Variants in IGF2BP2 observed in about 807,000 individuals in gnomAD.
IGF2BP2 encodes insulin like growth factor 2 mRNA binding protein 2, also known as insulin-like growth factor 2 mRNA-binding protein 2.
Under a neutral mutation model 75.8 loss-of-function variants are expected in IGF2BP2, and 17 were observed. That is an observed-to-expected ratio of 0.22 (90% CI 0.15 to 0.34). The LOEUF (loss-of-function observed/expected upper bound fraction) is 0.34. Ranked by LOEUF, IGF2BP2 falls within the 10% of genes least tolerant of loss-of-function variation. IGF2BP2 has a pLI of 1.00. For synonymous variants in IGF2BP2, 288 were observed against 295.6 expected (o/e 0.97, Z 0.26); for missense variants, 516 against 772.4 (o/e 0.67, Z 3.93).
intron 14 of IGF2BP2, among the ~76,000 whole-genome samples, chr3:185,648,606 C>A (rs1160238917): frequency 6.6e-6 from 1 of 152,146 alleles, no homozygotes. Flanking sequence ...AGCAAGCCTG[C>A]ACTAGGCTCT....
intron 2 of IGF2BP2, among the ~76,000 whole-genome samples, chr3:185,707,366 G>A (rs1724195143): frequency 7.9e-6 from 1 of 126,012 alleles, no homozygotes; most frequent in Admixed American, 1.0e-4. Flanking sequence ...AGAGGGCACT[G>A]GCGCAATCTT....
chr3:185,677,044 G>GATATATATTTATATATATATATAT (rs1199843330), intron 7 of IGF2BP2, among the ~76,000 whole-genome samples: 4 of 23,868 alleles, frequency 1.7e-4, no homozygotes, highest in East Asian at 2.4e-3. Context: ...TATATATGGA[G>GATATATATTTATATATATATATAT]ATATATATAT....
intron 2 of IGF2BP2, among the ~76,000 whole-genome samples, chr3:185,714,436 G>A (rs1438162404): frequency 1.3e-5 from 2 of 152,154 alleles, no homozygotes; most frequent in Admixed American, 6.5e-5. Flanking sequence ...TATCTTGGAA[G>A]ATAAACTCCT....
Position 185,643,782 on chromosome 3 carries a change from T to TTC in IGF2BP2, c.*1748_*1749insGA, listed in dbSNP as rs1713039264. On this transcript the variant is annotated 3_prime_UTR_variant, in exon 16 of 16. Transcript: ENST00000382199. ...TTTCTGTTTTTTCTTTTTTTTTCTT[T>TTC]TTTTTTTTTTTTTTTTTGTCACAGA... The TTC allele has an allele frequency of 6.9e-6, 1 of 145,516 alleles. No homozygotes were observed. Among genetic ancestry groups the TTC allele is most frequent in the South Asian group, 2.2e-4 (1 of 4,528 alleles). The allele number at this position is 145,516 out of a possible 1,614,324, so 9.0% of individuals were successfully genotyped here.
chr3:185,796,388 C>T (rs1275374504), intron 2 of IGF2BP2, among the ~76,000 whole-genome samples: 1 of 151,570 alleles, frequency 6.6e-6, no homozygotes, highest in African/African-American at 2.4e-5. Flanking sequence ...CATGGTGAAA[C>T]CCTGTCTCCA....
chr3:185,796,220 G>C (rs4686694), intron 2 of IGF2BP2, among the ~76,000 whole-genome samples: 9,162 of 152,052 alleles, frequency 0.06, 337 homozygotes, highest in African/African-American at 0.11. Flanking sequence ...TTGCATATTA[G>C]AACTTAACCA....
chr3:185,710,907 G>A (rs939988759), intron 2 of IGF2BP2, among the ~76,000 whole-genome samples: 3 of 151,386 alleles, frequency 2.0e-5, no homozygotes, highest in Non-Finnish European at 2.9e-5. Flanking sequence ...AAACCACTTC[G>A]TAGGATACAG....
intron 13 of IGF2BP2, among the ~76,000 whole-genome samples, chr3:185,649,848 T>C (rs1373354802): frequency 1.3e-5 from 2 of 152,244 alleles, no homozygotes; most frequent in Non-Finnish European, 2.9e-5. Flanking sequence ...CAACTCTATG[T>C]CTTATTTCCA....
chr3:185,655,785 C>T (rs1180436299), intron 12 of IGF2BP2, among the ~76,000 whole-genome samples: 1 of 152,220 alleles, frequency 6.6e-6, no homozygotes, highest in Non-Finnish European at 1.5e-5. Flanking sequence ...GAAAAACACA[C>T]TAGACCAGAA....
At chr3:185,675,017 T>C (rs918872734) in intron 9 of IGF2BP2, 21 of 175,742 alleles carry the variant, frequency 1.2e-4, no homozygotes, top group South Asian at 3.7e-4. Context: ...TTCTTTTTTT[T>C]TTTTTTTTTT....
chr3:185,665,198 A>C (rs1329822386), intron 10 of IGF2BP2, among the ~76,000 whole-genome samples: 1 of 146,994 alleles, frequency 6.8e-6, no homozygotes. Context: ...GAGGAGAAGA[A>C]GGAGAAGAAG....
intron 2 of IGF2BP2, among the ~76,000 whole-genome samples, chr3:185,777,527 T>TA (rs1299624378): frequency 2.4e-4 from 36 of 150,644 alleles, no homozygotes; most frequent in African/African-American, 5.4e-4. Flanking sequence ...ACCAAACTTC[T>TA]AAAAGAAAAA....
At chr3:185,755,882 G>T (rs927724615) in intron 2 of IGF2BP2, among the ~76,000 whole-genome samples, 2 of 152,198 alleles carry the variant, frequency 1.3e-5, no homozygotes, top group Non-Finnish European at 2.9e-5. Flanking sequence ...TCTCAGATGA[G>T]ATTTCGGACT....
chr3:185,668,257 T>C (rs1386891907), intron 10 of IGF2BP2, among the ~76,000 whole-genome samples: 1 of 152,126 alleles, frequency 6.6e-6, no homozygotes, highest in East Asian at 1.9e-4. Flanking sequence ...GGTCTAGTTA[T>C]AGAAAGATGC....
chr3:185,756,077 C>T (rs1370152459), intron 2 of IGF2BP2, among the ~76,000 whole-genome samples: 1 of 152,162 alleles, frequency 6.6e-6, no homozygotes, highest in Non-Finnish European at 1.5e-5. Flanking sequence ...GTAGGAAGTA[C>T]TAGATCATGG....
chr3:185,762,366 T>TAAAAA (rs529395141), intron 2 of IGF2BP2, among the ~76,000 whole-genome samples: 9 of 105,460 alleles, frequency 8.5e-5, no homozygotes, highest in African/African-American at 2.2e-4. Context: ...AGGCTTTACT[T>TAAAAA]AAAAAAAAAA....
intron 2 of IGF2BP2, among the ~76,000 whole-genome samples, chr3:185,818,546 C>A (rs138892383): frequency 1.1e-3 from 162 of 152,292 alleles, no homozygotes; most frequent in Admixed American, 0.01. Flanking sequence ...CCTCTTCATA[C>A]CATCTACCTG....
chr3:185,645,537 G>C lies in IGF2BP2; in HGVS notation c.1794C>G (p.Ser598Arg), dbSNP rs1713360296. 1 of 1,605,840 alleles carries C rather than the reference G, an allele frequency of 6.2e-7. No individual in the cohort carries two copies. Among genetic ancestry groups the C allele is most frequent in the East Asian group, 2.2e-5 (1 of 44,836 alleles). ...GCTGGTGCCTGTGGGAGCCTCACTT[G>C]CTGCGCTGTGAGGCGACTCCCTGAG... ...KYPQGVASQR[S>R]K The change falls in exon 16 of 16, where the codon AGC becomes AGG. Residue 598 changes from serine to arginine, a missense_variant. Coordinates refer to ENST00000382199, the MANE Select transcript of IGF2BP2 (RefSeq NM_006548.6). The surrounding 1 kb of genome is among the most constrained non-coding windows in gnomAD (Gnocchi z 4.9).
At chr3:185,785,631 C>A (rs1300261351) in intron 2 of IGF2BP2, among the ~76,000 whole-genome samples, 1 of 151,858 alleles carries the variant, frequency 6.6e-6, no homozygotes, top group East Asian at 1.9e-4. Flanking sequence ...CCAGCCTGGG[C>A]AACATATCAA....
Sources: allele counts gnomAD v4.1 joint callset (sites outside exome capture counted in the v4.1 genomes callset), GRCh38; gene constraint gnomAD v4.1.1; non-coding constraint Gnocchi (gnomAD v3.1); transcripts MANE v1.5; gene names NCBI Gene and HGNC (gene_info 2026-07-23, HGNC 2026-07-21).